The following ARG1 variants were observed in gnomAD, a reference collection of about 807,000 sequenced individuals.
ARG1 encodes the protein arginase 1.
ARG1 carries 20 observed loss-of-function variants against 33.0 expected under a neutral mutation model. That is an observed-to-expected ratio of 0.61 (90% CI 0.43 to 0.88). The LOEUF (loss-of-function observed/expected upper bound fraction) is 0.88, where lower values mean the gene tolerates loss of function less well. ARG1 is among the 40% of genes least tolerant of loss of function. ARG1 has a pLI of 0.00. For synonymous variants in ARG1, 146 were observed against 140.6 expected (o/e 1.04, Z -0.27); for missense variants, 374 against 384.7 (o/e 0.97, Z 0.23).
rs764788600 is a variant in ARG1 at position 131,583,891 on chromosome 6, C to G, written c.952C>G (p.Leu318Val). 14 of 1,613,966 alleles carry G rather than the reference C, an allele frequency of 8.7e-6. No individual in the cohort carries two copies. The highest frequency in any genetic ancestry group is 1.2e-5 in the Non-Finnish European group (14 of 1,179,990). Residue 318 changes from leucine (L) to valine (V), a missense_variant, in exon 8 of 8, where the codon CTT becomes GTT. Leu to Val is a conservative substitution (Grantham distance 32). Coordinates refer to ENST00000368087, the MANE Select transcript of ARG1 (RefSeq NM_000045.4). ...REGNHKPIDY[L>V]NPPK ...GGGTAATCACAAGCCTATTGACTACCTTAACCCACCTAAGTAAATGTGGAA... is the reference window on the plus strand; with the variant it reads ...GGGTAATCACAAGCCTATTGACTACGTTAACCCACCTAAGTAAATGTGGAA...
chr6:131,579,084 T>C, intron 2 of ARG1, 27 bp from the exon 3 acceptor site: 2 of 1,612,584 alleles, frequency 1.2e-6, no homozygotes, highest in Non-Finnish European at 1.7e-6. Flanking sequence ...CTTTTTAATT[T>C]AGTAACTCAA....
At chr6:131,578,514 G>A (rs1353398255) in intron 2 of ARG1, among the ~76,000 whole-genome samples, 2 of 152,084 alleles carry the variant, frequency 1.3e-5, no homozygotes, top group African/African-American at 4.8e-5. Flanking sequence ...TAACTAAAAA[G>A]CTTTATTTCC....
rs1429174075 is a variant in ARG1 at position 131,583,081 on chromosome 6, C to T, written c.582C>T (p.Gly194=). The T allele has an allele frequency of 5.0e-6, 8 of 1,613,002 alleles. No homozygotes were observed. The highest frequency in any genetic ancestry group is 4.2e-6 in the Non-Finnish European group (5 of 1,179,352). The change falls in exon 6 of 8, where the codon GGC becomes GGT. Residue 194 remains glycine (G), a synonymous_variant. Coordinates refer to ENST00000368087, the MANE Select transcript of ARG1 (RefSeq NM_000045.4). The part of the protein sequence containing the change: ...PGEHYILKTL[G]IKYFSMTEVD... ...ATAGCTACATTTTGAAAACTCTAGG[C>T]ATTAAATACTTTTCAATGACTGAAG...
Position 131,583,800 on chromosome 6 carries a change from A to G in ARG1, c.861A>G (p.Glu287=). 6.2e-6 allele frequency: 10 copies of G among 1,614,164 alleles called. No homozygotes were observed. Among genetic ancestry groups the G allele is most frequent in the Non-Finnish European group, 8.5e-6 (10 of 1,180,012 alleles). ...EVNPSLGKTP[E]EVTRTVNTAV... is the part of the protein sequence containing the mutation. ...ACCCATCCCTGGGGAAGACACCAGA[A>G]GAAGTAACTCGAACAGTGAACACAG... Residue 287 remains glutamate, a synonymous_variant, in exon 8 of 8, where the codon GAA becomes GAG. Coordinates refer to ENST00000368087, the MANE Select transcript of ARG1 (RefSeq NM_000045.4).
intron 5 of ARG1, 28 bp downstream of exon 5, chr6:131,582,743 C>G: frequency 6.2e-7 from 1 of 1,604,510 alleles, no homozygotes; most frequent in East Asian, 2.2e-5. Context: ...TGTGATTTGC[C>G]TCCATTTTTG....
Position 131,579,302 on chromosome 6 carries a change from G to A in ARG1, c.305+17G>A. 1.2e-6 allele frequency: 2 copies of A among 1,613,552 alleles called. No homozygotes were observed. Among genetic ancestry groups the A allele is most frequent in the Non-Finnish European group, 1.7e-6 (2 of 1,179,734 alleles). Reference sequence around the variant, plus strand: ...AGACCACAGGTCTTGTTGAATAACTGTGTCTATGGGAATCTGGCACAAAGG... The same window carrying A: ...AGACCACAGGTCTTGTTGAATAACTATGTCTATGGGAATCTGGCACAAAGG... On this transcript the variant is annotated intron_variant, in intron 3 of 7. Transcript: ENST00000368087.
rs796051923 is a variant in ARG1 at position 131,579,250 on chromosome 6, CG to C, written c.272del (p.Gly91GlufsTer43). The C allele has an allele frequency of 6.2e-7, 1 of 1,613,920 alleles. No individual in the cohort carries two copies. The highest frequency in any genetic ancestry group is 1.7e-5 in the Admixed American group (1 of 59,994). On this transcript the variant is annotated frameshift_variant, in exon 3 of 8. Coordinates refer to ENST00000368087, the MANE Select transcript of ARG1 (RefSeq NM_000045.4). LOFTEE classifies it high-confidence loss of function. ...AGKVAEVKKN[G>X]RISLVLGGDH... ...GCAAGGTGGCAGAAGTCAAGAAGAA[CG>C]GAAGAATCAGCCTGGTGCTGGGCGG...
intron 7 of ARG1, 117 bp downstream of exon 7, chr6:131,583,608 A>G: frequency 6.6e-7 from 1 of 1,515,812 alleles, no homozygotes; most frequent in Non-Finnish European, 9.1e-7. Context: ...CATCAGTCAC[A>G]TGATGCAATA....
chr6:131,574,559 G>A (rs1773521205), intron 1 of ARG1, among the ~76,000 whole-genome samples: 1 of 152,140 alleles, frequency 6.6e-6, no homozygotes, highest in African/African-American at 2.4e-5. Context: ...TTAAAACATG[G>A]TCATGAGAAT....
chr6:131,578,958 T>G, intron 2 of ARG1, 153 bp from the exon 3 acceptor site: 1 of 808,060 alleles, frequency 1.2e-6, no homozygotes, highest in Non-Finnish European at 1.9e-6. Context: ...AAAGCAGACA[T>G]GGGTCTACCT....
intron 3 of ARG1, among the ~76,000 whole-genome samples, chr6:131,580,240 G>A (rs1773850828): frequency 6.6e-6 from 1 of 152,054 alleles, no homozygotes; most frequent in African/African-American, 2.4e-5. Context: ...CTGTCACCAA[G>A]GCCTCTGTAT....
At chr6:131,577,161 T>A (rs1773657987) in intron 2 of ARG1, among the ~76,000 whole-genome samples, 1 of 152,208 alleles carries the variant, frequency 6.6e-6, no homozygotes, top group South Asian at 2.1e-4. Flanking sequence ...TGTGTATATA[T>A]ACATACATAT....
chr6:131,582,957 T>C (rs1774010840), intron 5 of ARG1, 103 bp from the exon 6 acceptor site: 2 of 896,086 alleles, frequency 2.2e-6, no homozygotes, highest in Non-Finnish European at 3.4e-6. Context: ...TCATAGAACC[T>C]AAATGTTTTA....
At chr6:131,576,269 A>G (rs1773608328) in intron 1 of ARG1, among the ~76,000 whole-genome samples, 1 of 152,226 alleles carries the variant, frequency 6.6e-6, no homozygotes, top group African/African-American at 2.4e-5. Context: ...AGGGACTCAA[A>G]GTCAAAAGCC....
At position 131,583,104 on chromosome 6, in the gene ARG1, A is replaced by C; in HGVS notation, c.605A>C (p.Glu202Ala). ...GGCATTAAATACTTTTCAATGACTG[A>C]AGTGGACAGACTAGGAATTGGCAAG... ...TLGIKYFSMT[E>A]VDRLGIGKVM... The change falls in exon 6 of 8, where the codon GAA (glutamate) becomes GCA (alanine). Residue 202 changes from glutamate to alanine, a missense_variant. Glu to Ala is a moderately radical substitution (Grantham distance 107). Transcript: ENST00000368087. 1.2e-6 allele frequency: 2 copies of C among 1,614,018 alleles called. No individual in the cohort carries two copies. The highest frequency in any genetic ancestry group is 1.7e-6 in the Non-Finnish European group (2 of 1,179,924).
chr6:131,583,015 C>A (rs762486648), intron 5 of ARG1, 45 bp from the exon 6 acceptor site: 3 of 1,384,170 alleles, frequency 2.2e-6, no homozygotes, highest in Non-Finnish European at 3.0e-6. Flanking sequence ...CAGGCGGGCA[C>A]AGTCAGCCTT....
intron 3 of ARG1, among the ~76,000 whole-genome samples, chr6:131,580,041 A>G (rs145735519): frequency 1.3e-5 from 2 of 152,202 alleles, no homozygotes; most frequent in South Asian, 2.1e-4. Context: ...AGGTTGCATT[A>G]TAATTTTCAC....
chr6:131,574,156 TA>T, intron 1 of ARG1: 1 of 1,107,652 alleles, frequency 9.0e-7, no homozygotes, highest in Non-Finnish European at 1.4e-6. Context: ...TTAAAGAGGA[TA>T]AAAAACAAAG....
intron 6 of ARG1, 30 bp downstream of exon 6, chr6:131,583,194 G>A (rs1316435638): frequency 6.2e-7 from 1 of 1,602,484 alleles, no homozygotes; most frequent in Non-Finnish European, 8.5e-7. Context: ...GCACACATGT[G>A]TGTGCAACAG....
Sources: allele counts gnomAD v4.1 joint callset (sites outside exome capture counted in the v4.1 genomes callset), GRCh38; gene constraint gnomAD v4.1.1; transcripts MANE v1.5; gene names NCBI Gene and HGNC (gene_info 2026-07-23, HGNC 2026-07-21).